The following RNF128 variants were observed in gnomAD, a reference collection of about 807,000 sequenced individuals.
RNF128 encodes the protein ring finger protein 128.
A neutral mutation model predicts 26.2 loss-of-function variants in RNF128; 13 were observed. The ratio of observed to expected loss-of-function variants is 0.50; its 90% CI spans 0.32 to 0.79. The LOEUF is 0.79. Among genes scored for constraint, RNF128 ranks in the 30% least tolerant of loss-of-function variants. RNF128 has a pLI of 0.03. For synonymous variants in RNF128, 149 were observed against 142.5 expected, an observed-to-expected ratio of 1.05 and a Z score of -0.32; for missense variants, 315 against 349.7, an observed-to-expected ratio of 0.90 and a Z score of 0.79.
intron 2 of RNF128, among the ~76,000 whole-genome samples, chrX:106,782,890 C>T (rs892906801): frequency 1.2e-4 from 13 of 111,293 alleles, no homozygotes; most frequent in African/African-American, 4.3e-4. Context: ...GATTAGATGT[C>T]GGGCTCGGTA....
At chrX:106,752,709 TAAA>T (rs1261962365) in intron 1 of RNF128, among the ~76,000 whole-genome samples, 1 of 111,046 alleles carries the variant, frequency 9.0e-6, no homozygotes, top group Non-Finnish European at 1.9e-5. Flanking sequence ...GAAAATGAAA[TAAA>T]GAAGGAACCA....
chrX:106,781,774 A>G (rs1398978946), intron 2 of RNF128, among the ~76,000 whole-genome samples: 3 of 112,109 alleles, frequency 2.7e-5, no homozygotes, highest in African/African-American at 6.5e-5. Flanking sequence ...AGTTTATGCT[A>G]TGCTGCAAAT....
chrX:106,771,489 A>C (rs1330035428), intron 1 of RNF128, among the ~76,000 whole-genome samples: 1 of 112,611 alleles, frequency 8.9e-6, no homozygotes, highest in Non-Finnish European at 1.9e-5. Flanking sequence ...GCTGCCTTGC[A>C]GTTTGATCTC....
In RNF128 at chrX:106,770,908, T is replaced by C. The variant is rs1321704930; in HGVS notation, c.485-2005T>C. Among the ~76,000 whole-genome samples the C allele has an allele frequency of 1.3e-4, 15 of 112,180 alleles. No homozygotes were observed. The Admixed American group carries it at 1.4e-3, about 11-fold the overall frequency. ...GGTTTTATCTACCTCTGGTCTTTGA[T>C]GATGGTGACGTACTGACAGGGTTTT... On this transcript the variant is annotated intron_variant, in intron 1 of 6. Coordinates refer to ENST00000255499, the MANE Select transcript of RNF128 (RefSeq NM_194463.2).
Position 106,795,525 on chromosome X carries a change from G to T in RNF128, c.1154-55G>T. 3.6e-6 allele frequency: 4 copies of T among 1,103,557 alleles called. No homozygotes were observed. In the East Asian group the frequency reaches 9.2e-5, roughly 26 times the overall value. The allele number at this position is 1,103,557 out of a possible 1,213,427, so 90.9% of individuals were successfully genotyped here. On this transcript the variant is annotated intron_variant, in intron 6 of 6. Transcript: ENST00000255499. ...TTCTTGGAAGTAAATGTTGAATTTT[G>T]TCTTAAAAGAGGAGAGGGGCAAAAT...
chrX:106,755,664 T>C (rs1929993003), intron 1 of RNF128, among the ~76,000 whole-genome samples: 2 of 111,656 alleles, frequency 1.8e-5, no homozygotes, highest in Non-Finnish European at 3.8e-5. Flanking sequence ...AGAAAGCATA[T>C]AATTCCAATT....
At chrX:106,788,357 C>CTATATAA (rs1930702228) in intron 4 of RNF128, among the ~76,000 whole-genome samples, 4 of 34,293 alleles carry the variant, frequency 1.2e-4, no homozygotes, top group African/African-American at 5.4e-4. Context: ...ATATTATATA[C>CTATATAA]TATATATAAT....
intron 2 of RNF128, among the ~76,000 whole-genome samples, chrX:106,777,979 T>G (rs1930498760): frequency 8.9e-6 from 1 of 111,734 alleles, no homozygotes; most frequent in Non-Finnish European, 1.9e-5. Flanking sequence ...AAATATATAT[T>G]CTTTTCTTCC....
chrX:106,790,370 T>C, intron 5 of RNF128, 88 bp downstream of exon 5: 1 of 572,752 alleles, frequency 1.7e-6, no homozygotes, highest in Non-Finnish European at 2.9e-6. Flanking sequence ...TTTCGCTATG[T>C]AATACACCAT....
At chrX:106,716,265 C>T (rs191675061) in intron 1 of RNF128, among the ~76,000 whole-genome samples, 1 of 111,919 alleles carries the variant, frequency 8.9e-6, no homozygotes, top group African/African-American at 3.2e-5. Flanking sequence ...ATCTCTCTGA[C>T]CACTCTTTTG....
intron 1 of RNF128, among the ~76,000 whole-genome samples, chrX:106,707,088 G>T (rs776690113): frequency 9.0e-6 from 1 of 111,573 alleles, no homozygotes; most frequent in African/African-American, 3.3e-5. Flanking sequence ...CTATTTTTAT[G>T]TATTCTTATG....
intron 1 of RNF128, among the ~76,000 whole-genome samples, chrX:106,702,596 G>A (rs1192478822): frequency 9.0e-6 from 1 of 111,542 alleles, no homozygotes; most frequent in Non-Finnish European, 1.9e-5. Context: ...ACATTCCCTA[G>A]GCAGCAAGGA....
intron 1 of RNF128, among the ~76,000 whole-genome samples, chrX:106,755,377 G>A (rs2095127942): frequency 9.0e-6 from 1 of 110,547 alleles, no homozygotes; most frequent in African/African-American, 3.3e-5. Flanking sequence ...TGAAAAAACG[G>A]AGCAGGAAGA....
intron 1 of RNF128, among the ~76,000 whole-genome samples, chrX:106,771,596 G>C (rs957158264): frequency 3.5e-5 from 4 of 112,837 alleles, no homozygotes; most frequent in African/African-American, 1.3e-4. Context: ...TGCTAAGGCT[G>C]TTGGAAAAGT....
At chrX:106,744,045 T>C (rs899789873) in intron 1 of RNF128, among the ~76,000 whole-genome samples, 4 of 108,613 alleles carry the variant, frequency 3.7e-5, no homozygotes, top group African/African-American at 1.3e-4. Context: ...TAGGTGGGAA[T>C]TGAACAATGA....
chrX:106,739,515 A>C (rs2147674702), intron 1 of RNF128, among the ~76,000 whole-genome samples: 1 of 112,034 alleles, frequency 8.9e-6, no homozygotes, highest in Non-Finnish European at 1.9e-5. Flanking sequence ...CAATAAAGTT[A>C]ACCTCAGTAT....
intron 1 of RNF128, among the ~76,000 whole-genome samples, chrX:106,708,716 T>C (rs1304430311): frequency 1.8e-5 from 2 of 112,227 alleles, no homozygotes; most frequent in Admixed American, 9.5e-5. Context: ...TTCATTTGTG[T>C]TATTATATTA....
In RNF128 at chrX:106,795,677, T is replaced by C. The variant is rs746055206; in HGVS notation, c.1251T>C (p.Pro417=). The C allele has an allele frequency of 8.3e-7, 1 of 1,200,704 alleles. No individual in the cohort carries two copies. Among genetic ancestry groups the C allele is most frequent in the Non-Finnish European group, 1.1e-6 (1 of 890,020 alleles). Residue 417 remains proline, a synonymous_variant, in exon 7 of 7, where the codon CCT becomes CCC. Coordinates refer to ENST00000255499, the MANE Select transcript of RNF128 (RefSeq NM_194463.2). ...CAACCTTTGAAGAAGACGAAACTCCTAATCAAGAGACTGCTGTTCGAGAAA... is the reference window on the plus strand; with the variant it reads ...CAACCTTTGAAGAAGACGAAACTCCCAATCAAGAGACTGCTGTTCGAGAAA... ...DNPTFEEDET[P]NQETAVREIK... is the part of the protein sequence containing the mutation.
intron 1 of RNF128, among the ~76,000 whole-genome samples, chrX:106,709,921 G>A (rs1171424461): frequency 8.1e-5 from 9 of 111,273 alleles, no homozygotes; most frequent in Non-Finnish European, 1.7e-4. Flanking sequence ...TTTTTGAAAG[G>A]CTTCCTCAAT....
Sources: gnomAD v4.1 joint callset for allele counts (sites outside exome capture counted in the v4.1 genomes callset) on GRCh38, gnomAD v4.1.1 for gene constraint, MANE v1.5 for transcripts, NCBI Gene and HGNC (gene_info 2026-07-23, HGNC 2026-07-21) for gene names.